Variants in CAMK4 observed in about 807,000 individuals in gnomAD.
CAMK4 encodes calcium/calmodulin dependent protein kinase IV, also known as calcium/calmodulin-dependent protein kinase type IV.
CAMK4 carries 22 observed loss-of-function variants against 44.9 expected under a neutral mutation model. The observed-to-expected ratio is 0.49, with a 90% CI of 0.35 to 0.70. The LOEUF (loss-of-function observed/expected upper bound fraction) is 0.70, where lower values mean the gene tolerates loss of function less well. CAMK4 is among the 30% of genes least tolerant of loss of function. The probability of loss-of-function intolerance (pLI) is 0.01; values close to 1 mark genes in which losing one functional copy is unlikely to be tolerated. For missense variants in CAMK4, 498 were observed against 586.8 expected, an observed-to-expected ratio of 0.85 and a Z score of 1.56; for synonymous variants, 218 against 215.4, an observed-to-expected ratio of 1.01 and a Z score of -0.11.
intron 7 of CAMK4, among the ~76,000 whole-genome samples, chr5:111,457,968 C>G (rs1754479009): frequency 6.6e-6 from 1 of 152,194 alleles, no homozygotes; most frequent in Non-Finnish European, 1.5e-5. Context: ...CTGACTGTAA[C>G]TTTCTACTTG....
At chr5:111,229,162 T>A (rs1748342462) in intron 1 of CAMK4, among the ~76,000 whole-genome samples, 1 of 152,220 alleles carries the variant, frequency 6.6e-6, no homozygotes, top group African/African-American at 2.4e-5. Flanking sequence ...CAAGATGTCT[T>A]AGACTGGGTG....
At chr5:111,267,471 C>T (rs1429382604) in intron 1 of CAMK4, among the ~76,000 whole-genome samples, 1 of 152,064 alleles carries the variant, frequency 6.6e-6, no homozygotes, top group Non-Finnish European at 1.5e-5. Context: ...AATCCCAGCA[C>T]TTTGGGAGGC....
intron 1 of CAMK4, chr5:111,265,813 A>G (rs915589443): frequency 1.3e-5 from 2 of 152,248 alleles, no homozygotes; most frequent in Non-Finnish European, 2.9e-5. Flanking sequence ...GCTTCATTAA[A>G]AGATTTACTT....
intron 7 of CAMK4, among the ~76,000 whole-genome samples, chr5:111,458,650 G>A (rs945757604): frequency 6.6e-6 from 1 of 152,120 alleles, no homozygotes; most frequent in African/African-American, 2.4e-5. Flanking sequence ...ATAATATAAA[G>A]TTGGAAAAGG....
intron 7 of CAMK4, among the ~76,000 whole-genome samples, chr5:111,460,503 C>T (rs560355141): frequency 2.2e-4 from 34 of 152,180 alleles, no homozygotes; most frequent in Non-Finnish European, 4.0e-4. Flanking sequence ...AACTCCTGAG[C>T]TCAGACAATC....
intron 1 of CAMK4, among the ~76,000 whole-genome samples, chr5:111,299,830 T>A (rs907565951): frequency 2.0e-5 from 3 of 152,204 alleles, no homozygotes; most frequent in African/African-American, 7.2e-5. Flanking sequence ...TGTGTTTTTT[T>A]TAAAGGTTTC....
chr5:111,444,754 C>T (rs962879813), intron 5 of CAMK4, among the ~76,000 whole-genome samples: 7 of 152,006 alleles, frequency 4.6e-5, no homozygotes, highest in African/African-American at 1.7e-4. Flanking sequence ...AGGTAGGAAA[C>T]GAGAGAGAGT....
intron 2 of CAMK4, among the ~76,000 whole-genome samples, chr5:111,346,098 A>C (rs1749851731): frequency 6.6e-6 from 1 of 151,964 alleles, no homozygotes; most frequent in African/African-American, 2.4e-5. Flanking sequence ...AACCTCAAAG[A>C]CCAGTTGCCT....
intron 7 of CAMK4, among the ~76,000 whole-genome samples, chr5:111,462,076 A>G (rs1754664763): frequency 6.6e-6 from 1 of 152,146 alleles, no homozygotes; most frequent in South Asian, 2.1e-4. Flanking sequence ...TGCTCCAGCC[A>G]TGTTGGCTTC....
intron 2 of CAMK4, among the ~76,000 whole-genome samples, chr5:111,352,065 A>T (rs1750133446): frequency 6.6e-6 from 1 of 152,050 alleles, no homozygotes; most frequent in African/African-American, 2.4e-5. Context: ...TACCCTCATT[A>T]TCTAATTATC....
intron 5 of CAMK4, among the ~76,000 whole-genome samples, chr5:111,418,663 A>G (rs1426975437): frequency 6.6e-5 from 10 of 150,456 alleles, no homozygotes; most frequent in Non-Finnish European, 8.9e-5. Context: ...TCATTGTTCA[A>G]TTCCCACCTA....
intron 1 of CAMK4, among the ~76,000 whole-genome samples, chr5:111,326,431 A>G (rs1421069397): frequency 5.9e-5 from 9 of 151,992 alleles, no homozygotes; most frequent in African/African-American, 2.2e-4. Context: ...TATATCTGTT[A>G]AGTAAATACA....
intron 2 of CAMK4, among the ~76,000 whole-genome samples, chr5:111,350,531 C>T (rs434256): frequency 0.87 from 132,651 of 151,792 alleles, 58,205 homozygotes; most frequent in East Asian, 1. Flanking sequence ...AGGTACATCT[C>T]GGATGCCTAT....
chr5:111,241,563 G>C (rs1748994592), intron 1 of CAMK4, among the ~76,000 whole-genome samples: 1 of 152,112 alleles, frequency 6.6e-6, no homozygotes, highest in South Asian at 2.1e-4. Context: ...TTGGAACTTG[G>C]TGACTAAGTC....
intron 1 of CAMK4, among the ~76,000 whole-genome samples, chr5:111,330,714 C>G (rs541036155): frequency 7.8e-6 from 1 of 127,642 alleles, no homozygotes; most frequent in East Asian, 2.4e-4. Flanking sequence ...AATAGTGGAT[C>G]TGAGAACACC....
At chr5:111,352,699 G>C (rs1750166682) in intron 2 of CAMK4, among the ~76,000 whole-genome samples, 1 of 151,640 alleles carries the variant, frequency 6.6e-6, no homozygotes, top group African/African-American at 2.4e-5. Context: ...GGGGGAAAGA[G>C]AGAGAAAGAA....
chr5:111,461,709 C>G (rs889349007), intron 7 of CAMK4, among the ~76,000 whole-genome samples: 1 of 151,462 alleles, frequency 6.6e-6, no homozygotes, highest in Non-Finnish European at 1.5e-5. Flanking sequence ...CCTCCCTCCT[C>G]CTTCCCAGAG....
At position 111,485,657 on chromosome 5, in the gene CAMK4, T is replaced by C. The variant is rs573841122; in HGVS notation, c.*1191T>C. 2.0e-5 allele frequency: 3 copies of C among 152,284 alleles called. No individual in the cohort carries two copies. The South Asian group carries it at 6.2e-4, about 32-fold the overall frequency. 9.4% of individuals were successfully genotyped at this position (152,284 alleles called of 1,614,324 possible). On this transcript the variant is annotated 3_prime_UTR_variant, in exon 11 of 11. Coordinates refer to ENST00000282356, the MANE Select transcript of CAMK4 (RefSeq NM_001744.6). ...ACATTTTACAATGTAGTGTTGAGAA[T>C]GTGGCTGCCAATAAATTTAGCACAA...
chr5:111,429,643 G>A (rs1195857061), intron 5 of CAMK4, among the ~76,000 whole-genome samples: 2 of 151,660 alleles, frequency 1.3e-5, no homozygotes, highest in Non-Finnish European at 2.9e-5. Context: ...AGGCATGGTG[G>A]TGTGCACTTA....
Sources: gnomAD v4.1 joint callset for allele counts (sites outside exome capture counted in the v4.1 genomes callset) on GRCh38, gnomAD v4.1.1 for gene constraint, MANE v1.5 for transcripts, NCBI Gene and HGNC (gene_info 2026-07-23, HGNC 2026-07-21) for gene names.